The following GRM3 variants were observed in gnomAD, a reference collection of about 807,000 sequenced individuals.
GRM3 encodes glutamate metabotropic receptor 3.
GRM3 carries 26 observed loss-of-function variants against 70.5 expected under a neutral mutation model. That is an observed-to-expected ratio of 0.37 (90% CI 0.27 to 0.51). The LOEUF is 0.51. Among genes scored for constraint, GRM3 ranks in the 20% least tolerant of loss-of-function variants. The pLI is 0.93. For missense variants in GRM3, 859 were observed against 1,123.8 expected (o/e 0.76, Z 3.37); for synonymous variants, 443 against 434.9 (o/e 1.02, Z -0.23).
At chr7:86,749,256 C>T (rs1796174717) in intron 1 of GRM3, among the ~76,000 whole-genome samples, 1 of 152,068 alleles carries the variant, frequency 6.6e-6, no homozygotes. Flanking sequence ...CTTTGGGTGA[C>T]ATCTTGTGTG....
chr7:86,779,490 C>G (rs1796985771), intron 2 of GRM3, among the ~76,000 whole-genome samples: 1 of 151,688 alleles, frequency 6.6e-6, no homozygotes, highest in African/African-American at 2.4e-5. Flanking sequence ...AGCAAAATAT[C>G]AATTCCCTCA....
chr7:86,864,256 G>A (rs371943736), intron 5 of GRM3, 26 bp from the exon 6 acceptor site: 63 of 1,229,852 alleles, frequency 5.1e-5, no homozygotes, highest in Non-Finnish European at 7.2e-5. Flanking sequence ...CTAACTTTGA[G>A]TTTTCTGTCC....
chr7:86,799,660 G>C (rs1797637404), intron 3 of GRM3, among the ~76,000 whole-genome samples: 1 of 151,972 alleles, frequency 6.6e-6, no homozygotes, highest in Non-Finnish European at 1.5e-5. Flanking sequence ...CCGAGTAGCT[G>C]GGACTACAGG....
intron 3 of GRM3, among the ~76,000 whole-genome samples, chr7:86,800,979 A>G (rs1256448543): frequency 1.3e-5 from 2 of 152,140 alleles, no homozygotes; most frequent in East Asian, 3.8e-4. Context: ...GCACTTTGAG[A>G]CAAGATTATA....
At chr7:86,690,870 T>C (rs1354844832) in intron 1 of GRM3, among the ~76,000 whole-genome samples, 1 of 152,202 alleles carries the variant, frequency 6.6e-6, no homozygotes, top group African/African-American at 2.4e-5. Context: ...GAAGACATCA[T>C]GTATAAAGAG....
intron 1 of GRM3, among the ~76,000 whole-genome samples, chr7:86,685,621 T>A (rs1794544798): frequency 6.6e-6 from 1 of 152,088 alleles, no homozygotes; most frequent in South Asian, 2.1e-4. Context: ...AAGGTATAAA[T>A]GGGGGCCGGG....
chr7:86,801,084 T>TTTTC (rs1305775147), intron 3 of GRM3, among the ~76,000 whole-genome samples: 1 of 147,842 alleles, frequency 6.8e-6, no homozygotes, highest in African/African-American at 2.5e-5. Flanking sequence ...TTTTTTTTTT[T>TTTTC]TTTTGAGACA....
At chr7:86,687,487 AAT>A (rs1191395241) in intron 1 of GRM3, among the ~76,000 whole-genome samples, 1 of 133,432 alleles carries the variant, frequency 7.5e-6, no homozygotes, top group Admixed American at 8.7e-5. Context: ...GAAAGAAAAA[AAT>A]AATATTATCA....
chr7:86,741,381 C>G (rs1795987582), intron 1 of GRM3, among the ~76,000 whole-genome samples: 1 of 152,186 alleles, frequency 6.6e-6, no homozygotes, highest in Admixed American at 6.6e-5. Context: ...CACATGGCAA[C>G]TTTAATTTCT....
In GRM3 at chr7:86,733,511, T is replaced by C. The variant is rs186477576; in HGVS notation, c.-140-31495T>C. ...GTAACTCCAAAAGGGATGGGCCAAC[T>C]CCAAAATTTAAGAGTGGACAAATGT... On this transcript the variant is annotated intron_variant, in intron 1 of 5. Coordinates refer to ENST00000361669, the MANE Select transcript of GRM3 (RefSeq NM_000840.3). 4.1e-4 allele frequency among the ~76,000 whole-genome samples: 63 copies of C among 152,098 alleles called. No homozygotes were observed. In the East Asian group the frequency reaches 7.4e-3, roughly 18 times the overall value.
chr7:86,830,645 C>G (rs1319608203), intron 3 of GRM3, among the ~76,000 whole-genome samples: 2 of 151,996 alleles, frequency 1.3e-5, no homozygotes, highest in East Asian at 3.8e-4. Context: ...TAATTTTGAA[C>G]AAAAGATGTT....
chr7:86,714,112 C>T (rs927532467), intron 1 of GRM3, among the ~76,000 whole-genome samples: 9 of 152,018 alleles, frequency 5.9e-5, no homozygotes, highest in Admixed American at 1.3e-4. Context: ...CTTACTGCTG[C>T]TCTTCCTACC....
In GRM3 at chr7:86,644,860, T is replaced by C. The variant is rs1455260115; in HGVS notation, c.-153T>C. 1 of 1,288,438 alleles carries C rather than the reference T, an allele frequency of 7.8e-7. No individual in the cohort carries two copies. Among genetic ancestry groups the C allele is most frequent in the Admixed American group, 2.3e-5 (1 of 43,522 alleles). 79.8% of individuals were successfully genotyped at this position (1,288,438 alleles called of 1,614,324 possible). ...GGTCAGCTCCAGTTCCTGCCAGGAG[T>C]TGTCGGTGCGAGGTAAGGGTCCCAG... On this transcript the variant is annotated 5_prime_UTR_variant, in exon 1 of 6. Coordinates refer to ENST00000361669, the MANE Select transcript of GRM3 (RefSeq NM_000840.3).
In GRM3 at chr7:86,793,234, G is replaced by C. The variant is rs76013151; in HGVS notation, c.1324+6118G>C. Among the ~76,000 whole-genome samples the C allele has an allele frequency of 4.8e-3, 731 of 152,160 alleles. 5 individuals carry two copies. Among genetic ancestry groups the C allele is most frequent in the African/African-American group, 0.017 (694 of 41,504 alleles). ...AGGAACAAGGTTCACTCCTGGTTGG[G>C]ACTATAATCACAGAGCACAGGCCAG... On this transcript the variant is annotated intron_variant, in intron 3 of 5. Transcript: ENST00000361669.
rs184159789 is a variant in GRM3, at chr7:86,844,872, T to A, written c.2391+4967T>A. ...AATAGCCAGAGTATCAACACTTCTGTACATTCCTTGAGTCCTGATTTCTTT... is the reference window on the plus strand; with the variant it reads ...AATAGCCAGAGTATCAACACTTCTGAACATTCCTTGAGTCCTGATTTCTTT... On this transcript the variant is annotated intron_variant, in intron 4 of 5. Transcript: ENST00000361669. Among the ~76,000 whole-genome samples, 10 of 152,252 alleles carry A rather than the reference T, an allele frequency of 6.6e-5. No individual in the cohort carries two copies. In the East Asian group the frequency reaches 9.7e-4, roughly 15 times the overall value.
chr7:86,743,776 G>A (rs1796042835), intron 1 of GRM3, among the ~76,000 whole-genome samples: 1 of 152,036 alleles, frequency 6.6e-6, no homozygotes. Context: ...GATCTCTGTG[G>A]GCTAGAAAAG....
At chr7:86,837,183 C>G (rs905290248) in intron 3 of GRM3, among the ~76,000 whole-genome samples, 25 of 152,128 alleles carry the variant, frequency 1.6e-4, no homozygotes, top group Non-Finnish European at 2.9e-4. Context: ...TTATAAACTA[C>G]CCAGCCCAGC....
chr7:86,693,823 A>G (rs182681842), intron 1 of GRM3, among the ~76,000 whole-genome samples: 6 of 152,316 alleles, frequency 3.9e-5, no homozygotes, highest in Admixed American at 3.9e-4. Context: ...ATCTGGAAGT[A>G]CCAGAAAGTA....
chr7:86,777,206 T>C (rs1267848654), intron 2 of GRM3, among the ~76,000 whole-genome samples: 1 of 152,196 alleles, frequency 6.6e-6, no homozygotes, highest in Non-Finnish European at 1.5e-5. Flanking sequence ...CACTTCAACC[T>C]AAATGATGAG....
Sources: gnomAD v4.1 joint callset for allele counts (sites outside exome capture counted in the v4.1 genomes callset) on GRCh38, gnomAD v4.1.1 for gene constraint, MANE v1.5 for transcripts, NCBI Gene and HGNC (gene_info 2026-07-23, HGNC 2026-07-21) for gene names.